ERMN: variants seen among roughly 807,000 people sequenced by gnomAD.
The protein encoded by ERMN is ermin, also known as ermin, ERM-like protein.
ERMN carries 17 observed loss-of-function variants against 21.4 expected under a neutral mutation model. That is an observed-to-expected ratio of 0.80 (90% confidence interval 0.54 to 1.19). The LOEUF (loss-of-function observed/expected upper bound fraction) is 1.19, where lower values mean the gene tolerates loss of function less well. Ranked by LOEUF, ERMN falls within the 50% of genes most tolerant of loss-of-function variation. ERMN has a pLI of 0.00. For synonymous variants in ERMN, 115 were observed against 111.9 expected, an observed-to-expected ratio of 1.03 and a Z score of -0.17; for missense variants, 348 against 331.6, an observed-to-expected ratio of 1.05 and a Z score of -0.38.
At chr2:157,322,831 A>G (rs1341394063) in intron 2 of ERMN, among the ~76,000 whole-genome samples, 1 of 152,172 alleles carries the variant, frequency 6.6e-6, no homozygotes, top group Non-Finnish European at 1.5e-5. Flanking sequence ...TTATCCATAA[A>G]TACACATTAG....
At chr2:157,326,016 C>T (rs1270189952), upstream of ERMN, 3 of 940,546 alleles carry the variant, frequency 3.2e-6, no homozygotes, top group Admixed American at 4.7e-5. Context: ...GCTTGTCAGT[C>T]CCCCTCTGGG....
At position 157,320,053 on chromosome 2, in the gene ERMN, A is replaced by G. The variant is rs1188196537; in HGVS notation, c.*1218T>C. On this transcript the variant is annotated 3_prime_UTR_variant, in exon 3 of 3. Coordinates refer to ENST00000410096, the MANE Select transcript of ERMN (RefSeq NM_020711.3). ...ACAAAATCTTTATCTGTGGTGATAG[A>G]AAGTTCAGGGTAATATATATGGAAG... 2 of 152,222 alleles carry G rather than the reference A, an allele frequency of 1.3e-5. No homozygotes were observed. Among genetic ancestry groups the G allele is most frequent in the Admixed American group, 1.3e-4 (2 of 15,276 alleles). The allele number at this position is 152,222 out of a possible 1,614,324, so 9.4% of individuals were successfully genotyped here.
Position 157,321,185 on chromosome 2 carries a change from C to A in ERMN, c.*86G>T. The A allele has an allele frequency of 6.6e-7, 1 of 1,507,466 alleles. No individual in the cohort carries two copies. The highest frequency in any genetic ancestry group is 8.8e-7 in the Non-Finnish European group (1 of 1,136,264). 93.4% of individuals were successfully genotyped at this position (1,507,466 alleles called of 1,614,324 possible). On this transcript the variant is annotated 3_prime_UTR_variant, in exon 3 of 3. Coordinates refer to ENST00000410096, the MANE Select transcript of ERMN (RefSeq NM_020711.3). ...TTCCACCTCCCTCCAAGTGATAACTCAAATAAGGCATAGAAATATGCACCC... is the reference window on the plus strand; with the variant it reads ...TTCCACCTCCCTCCAAGTGATAACTAAAATAAGGCATAGAAATATGCACCC...
upstream of ERMN, chr2:157,327,174 G>A (rs1294738571): frequency 5.4e-6 from 1 of 185,030 alleles, no homozygotes; most frequent in Admixed American, 6.2e-5. Context: ...AAGAGAAGAA[G>A]AATAGGTGTT....
chr2:157,319,337 T>A lies in ERMN; in HGVS notation c.*1934A>T, dbSNP rs544522186. On this transcript the variant is annotated 3_prime_UTR_variant, in exon 3 of 3. Coordinates refer to ENST00000410096, the MANE Select transcript of ERMN (RefSeq NM_020711.3). ...GGACCAGCGTTAGCATATATTAGAGTCCCTTAAGAGGTACTTGCTTTGCCG... is the reference window on the plus strand; with the variant it reads ...GGACCAGCGTTAGCATATATTAGAGACCCTTAAGAGGTACTTGCTTTGCCG... 6.6e-6 allele frequency: 1 copy of A among 152,146 alleles called. No homozygotes were observed. The highest frequency in any genetic ancestry group is 1.9e-4 in the East Asian group (1 of 5,178). The allele number at this position is 152,146 out of a possible 1,614,324, so 9.4% of individuals were successfully genotyped here.
chr2:157,325,884 A>T, upstream of ERMN: 1 of 1,394,296 alleles, frequency 7.2e-7, no homozygotes, highest in Non-Finnish European at 9.3e-7. Context: ...AATCCAGCCA[A>T]TCACCACCTT....
At chr2:157,325,230 G>T in intron 1 of ERMN, 172 bp downstream of exon 1, 2 of 922,338 alleles carry the variant, frequency 2.2e-6, no homozygotes, top group Non-Finnish European at 3.5e-6. Context: ...CTGTCAAATA[G>T]ACCAGCCTGG....
Position 157,325,511 on chromosome 2 carries a change from C to A in ERMN, c.132G>T (p.Arg44Ser). 1.2e-6 allele frequency: 2 copies of A among 1,614,036 alleles called. No homozygotes were observed. The highest frequency in any genetic ancestry group is 1.7e-6 in the Non-Finnish European group (2 of 1,179,990). Residue 44 changes from arginine to serine, a missense_variant, in exon 1 of 3, where the codon AGG (arginine) becomes AGT (serine). Coordinates refer to ENST00000410096, the MANE Select transcript of ERMN (RefSeq NM_020711.3). ...TDVDSPLPHY[R>S]VEPSLEGALT... ...GTGCACCTTCCAGACTGGGTTCTAC[C>A]CTGTAGTGTGGCAGGGGGCTGTCCA...
upstream of ERMN, chr2:157,327,253 G>A (rs1368622501): frequency 3.3e-5 from 17 of 512,302 alleles, no homozygotes; most frequent in Non-Finnish European, 4.9e-5. Flanking sequence ...GTCTATATCA[G>A]GGACAACACC....
rs767158796 is a variant in ERMN, at chr2:157,321,398, G to A, written c.728C>T (p.Thr243Ile). The A allele has an allele frequency of 6.2e-7, 1 of 1,614,074 alleles. No individual in the cohort carries two copies. Among genetic ancestry groups the A allele is most frequent in the East Asian group, 2.2e-5 (1 of 44,876 alleles). ...GGAGATATCACTCTTCTTCCCTAAGGTTGGCTGCTCATCAGGTGTCACAGC... is the reference window on the plus strand; with the variant it reads ...GGAGATATCACTCTTCTTCCCTAAGATTGGCTGCTCATCAGGTGTCACAGC... ...SQAVTPDEQP[T>I]LGKKSDISRN... The change falls in exon 3 of 3, where the codon ACC becomes ATC. Residue 243 changes from threonine to isoleucine, a missense_variant. Transcript: ENST00000410096.
In ERMN at chr2:157,321,573, C is replaced by A; in HGVS notation, c.553G>T (p.Glu185Ter). The change falls in exon 3 of 3, where the codon GAA becomes TAA. Residue 185 changes from glutamate to a stop codon, truncating the protein, a stop_gained. Coordinates refer to ENST00000410096, the MANE Select transcript of ERMN (RefSeq NM_020711.3). LOFTEE classifies it high-confidence loss of function. ...HDEEQKVWDEEIDDDDDDNCN... is the reference protein window; with the variant it reads ...HDEEQKVWDE The stretch of plus-strand genomic sequence containing the variant: ...TTATCATCATCATCATCATCAATTT[C>A]TTCATCCCAAACCTTCTGCTCCTCA... 6.2e-7 allele frequency: 1 copy of A among 1,614,106 alleles called. No homozygotes were observed. The highest frequency in any genetic ancestry group is 8.5e-7 in the Non-Finnish European group (1 of 1,179,990).
chr2:157,321,141 A>C lies in ERMN; in HGVS notation c.*130T>G. 1 of 1,317,542 alleles carries C rather than the reference A, an allele frequency of 7.6e-7. No individual in the cohort carries two copies. The highest frequency in any genetic ancestry group is 2.4e-5 in the Admixed American group (1 of 41,374). The allele number at this position is 1,317,542 out of a possible 1,614,324, so 81.6% of individuals were successfully genotyped here. ...TAGGGTTATTTCCACATTATTCTAC[A>C]GTGAAAAAGAGAGTCAACTTCCACC... On this transcript the variant is annotated 3_prime_UTR_variant, in exon 3 of 3. Transcript: ENST00000410096.
rs1683858414 is a variant in ERMN, at chr2:157,320,545, G to T, written c.*726C>A. The T allele has an allele frequency of 6.6e-6, 1 of 152,282 alleles. No homozygotes were observed. The highest frequency in any genetic ancestry group is 1.5e-5 in the Non-Finnish European group (1 of 68,016). The allele number at this position is 152,282 out of a possible 1,614,324, so 9.4% of individuals were successfully genotyped here. A position where few individuals can be genotyped will look rare whatever the true frequency, so the allele number is the denominator to read the frequency against. On this transcript the variant is annotated 3_prime_UTR_variant, in exon 3 of 3. Coordinates refer to ENST00000410096, the MANE Select transcript of ERMN (RefSeq NM_020711.3). The stretch of plus-strand genomic sequence containing the variant: ...ACTATCCAACATAACTCTTTAGTCT[G>T]CTGCCCACCAATCTTCTAGCCCCTC...
rs1198507746 is a variant in ERMN at position 157,325,401 on chromosome 2, C to T, written c.241+1G>A. On this transcript the variant is annotated splice_donor_variant, in intron 1 of 2. Transcript: ENST00000410096. LOFTEE classifies it high-confidence loss of function. ...AATTAAGGAGAAGGGAAACACTTTACCTTTTAGCATTTTGTCCTCCATGGA... is the reference window on the plus strand; with the variant it reads ...AATTAAGGAGAAGGGAAACACTTTATCTTTTAGCATTTTGTCCTCCATGGA... 1 of 1,613,588 alleles carries T rather than the reference C, an allele frequency of 6.2e-7. No individual in the cohort carries two copies. Among genetic ancestry groups the T allele is most frequent in the Non-Finnish European group, 8.5e-7 (1 of 1,179,668 alleles).
At position 157,321,745 on chromosome 2, in the gene ERMN, T is replaced by C; in HGVS notation, c.381A>G (p.Ile127Met). Residue 127 changes from isoleucine to methionine, a missense_variant, in exon 3 of 3, where the codon ATA (isoleucine) becomes ATG (methionine). By Grantham distance (10) the Ile-to-Met change is conservative (BLOSUM62 1). Transcript: ENST00000410096. ...CAGTAATCCTCTCCTTCTGTCTTCT[T>C]ATTTCCTGGTTACTGCCACTCAGAG... ...KIPLSGSNQEIRRQKERITEQ... is the reference protein window; with the variant it reads ...KIPLSGSNQEMRRQKERITEQ... 1 of 1,613,314 alleles carries C rather than the reference T, an allele frequency of 6.2e-7. No homozygotes were observed. The highest frequency in any genetic ancestry group is 8.5e-7 in the Non-Finnish European group (1 of 1,179,880).
At chr2:157,325,114 A>AT in intron 1 of ERMN, 1 of 568,242 alleles carries the variant, frequency 1.8e-6, no homozygotes, top group Admixed American at 2.3e-5. Context: ...AGTAGTTAAC[A>AT]TTTAGCCAAT....
upstream of ERMN, among the ~76,000 whole-genome samples, chr2:157,326,716 T>C (rs1383803795): frequency 6.6e-6 from 1 of 152,194 alleles, no homozygotes; most frequent in African/African-American, 2.4e-5. Context: ...GCTCCTTCTA[T>C]GTGAAATGCC....
At chr2:157,323,921 G>C (rs1683982627) in intron 2 of ERMN, among the ~76,000 whole-genome samples, 1 of 151,980 alleles carries the variant, frequency 6.6e-6, no homozygotes, top group Non-Finnish European at 1.5e-5. Flanking sequence ...TTACATTAGA[G>C]GCCTATAAAG....
chr2:157,323,901 A>AT (rs1683982052), intron 2 of ERMN, among the ~76,000 whole-genome samples: 3 of 152,192 alleles, frequency 2.0e-5, no homozygotes, highest in Non-Finnish European at 4.4e-5. Context: ...AATAGTTAAC[A>AT]ATTTTGTATT....
Sources: gnomAD v4.1 joint callset for allele counts (sites outside exome capture counted in the v4.1 genomes callset) on GRCh38, gnomAD v4.1.1 for gene constraint, MANE v1.5 for transcripts, NCBI Gene and HGNC (gene_info 2026-07-23, HGNC 2026-07-21) for gene names.